Variants in RIMBP2 observed in about 807,000 individuals in gnomAD.
The protein encoded by RIMBP2 is RIMS-binding protein 2.
RIMBP2 carries 48 observed loss-of-function variants against 118.6 expected under a neutral mutation model. That is an observed-to-expected ratio of 0.40 (90% CI 0.32 to 0.51). The LOEUF is 0.51. Among genes scored for constraint, RIMBP2 ranks in the 20% least tolerant of loss-of-function variants. The pLI is 0.41. For missense variants in RIMBP2, 1,551 were observed against 1,768.3 expected (o/e 0.88, Z 2.20); for synonymous variants, 762 against 742.9 (o/e 1.03, Z -0.42).
At chr12:130,616,918 C>T (rs916234453) in intron 2 of RIMBP2, among the ~76,000 whole-genome samples, 3 of 152,176 alleles carry the variant, frequency 2.0e-5, no homozygotes, top group East Asian at 1.9e-4. Context: ...GAAAGGTTTT[C>T]GGGGACTGCT....
intron 2 of RIMBP2, among the ~76,000 whole-genome samples, chr12:130,592,360 A>T (rs908136961): frequency 2.0e-4 from 31 of 152,212 alleles, no homozygotes; most frequent in Non-Finnish European, 4.4e-4. Context: ...TTTGACAGCC[A>T]CCCCTTTGCC....
chr12:130,408,514 A>G (rs1412322659), intron 19 of RIMBP2, among the ~76,000 whole-genome samples: 2 of 152,170 alleles, frequency 1.3e-5, no homozygotes, highest in Non-Finnish European at 2.9e-5. Context: ...GGGCCTGGGC[A>G]TCATCCCAGC....
intron 2 of RIMBP2, among the ~76,000 whole-genome samples, chr12:130,599,450 A>G (rs2059745063): frequency 6.6e-6 from 1 of 152,236 alleles, no homozygotes; most frequent in African/African-American, 2.4e-5. Flanking sequence ...TAATGGGCAA[A>G]ATGATTTGAA....
chr12:130,656,561 C>T (rs2063436488), intron 1 of RIMBP2, among the ~76,000 whole-genome samples: 1 of 136,474 alleles, frequency 7.3e-6, no homozygotes, highest in African/African-American at 3.0e-5. Context: ...CTTTCTGAGG[C>T]TGTCAGGAGA....
At chr12:130,425,116 T>C (rs182210684) in intron 15 of RIMBP2, 78 of 354,630 alleles carry the variant, frequency 2.2e-4, no homozygotes, top group Admixed American at 5.2e-4. Context: ...GCCAGCGCCA[T>C]GCATCCAGCC....
chr12:130,440,862 A>G (rs1393790881), intron 11 of RIMBP2, among the ~76,000 whole-genome samples: 3 of 152,112 alleles, frequency 2.0e-5, no homozygotes, highest in Non-Finnish European at 4.4e-5. Context: ...TGAATATCAG[A>G]GCGGGCAGTG....
chr12:130,496,687 C>A (rs989796796), intron 4 of RIMBP2, among the ~76,000 whole-genome samples: 8 of 152,132 alleles, frequency 5.3e-5, no homozygotes, highest in African/African-American at 1.4e-4. Context: ...CAGAAAGTGA[C>A]CACATGATGG....
rs2076488091 is a variant in RIMBP2, at chr12:130,422,592, T to G, written c.3130-31A>C. 1.3e-6 allele frequency: 2 copies of G among 1,496,968 alleles called. No homozygotes were observed. The highest frequency in any genetic ancestry group is 1.4e-5 in the African/African-American group (1 of 72,894). 92.7% of individuals were successfully genotyped at this position (1,496,968 alleles called of 1,614,324 possible). ...GACAAAACAACAACAAAGTCGTAAGTCTCGCCAGCATTGGGAACTGAAGAA... is the reference window on the plus strand; with the variant it reads ...GACAAAACAACAACAAAGTCGTAAGGCTCGCCAGCATTGGGAACTGAAGAA... On this transcript the variant is annotated intron_variant, in intron 16 of 22. Transcript: ENST00000690449. The surrounding 1 kb of genome is among the most constrained non-coding windows in gnomAD (Gnocchi z 5.2).
intron 2 of RIMBP2, among the ~76,000 whole-genome samples, chr12:130,597,563 T>G (rs912168841): frequency 6.6e-6 from 1 of 152,166 alleles, no homozygotes; most frequent in East Asian, 1.9e-4. Flanking sequence ...CTTAACCAAA[T>G]AGAGTTTATC....
chr12:130,690,047 G>A (rs2065242442), intron 1 of RIMBP2, among the ~76,000 whole-genome samples: 1 of 152,148 alleles, frequency 6.6e-6, no homozygotes, highest in Non-Finnish European at 1.5e-5. Flanking sequence ...GTGCTGCCAG[G>A]GCCTCTCAGC....
intron 4 of RIMBP2, among the ~76,000 whole-genome samples, chr12:130,490,202 A>T (rs1251870610): frequency 1.3e-5 from 2 of 151,722 alleles, no homozygotes; most frequent in African/African-American, 4.8e-5. Context: ...CTTTCACTTG[A>T]GTTGTTGCAA....
In RIMBP2 at chr12:130,437,067, G is replaced by A. The variant is rs2137038953; in HGVS notation, c.1881C>T (p.Thr627=). 4 of 1,572,954 alleles carry A rather than the reference G, an allele frequency of 2.5e-6. No homozygotes were observed. The South Asian group carries it at 4.7e-5, about 18-fold the overall frequency. Residue 627 remains threonine (T), a synonymous_variant, in exon 13 of 23, where the codon ACC becomes ACT. Coordinates refer to ENST00000690449, the MANE Select transcript of RIMBP2 (RefSeq NM_001393629.1). ...CGTGGGGACCCAGGTGCTCGTCTTT[G>A]GTTTCGGGGACTCCAGAACTTGCTA... is the stretch of plus-strand genomic sequence containing the variant. ...KPLASSGVPE[T]KDEHLGPHAR...
rs569180024 is a variant in RIMBP2 at position 130,568,821 on chromosome 12, T to G, written c.-216-50904A>C. On this transcript the variant is annotated intron_variant, in intron 2 of 22. Coordinates refer to ENST00000690449, the MANE Select transcript of RIMBP2 (RefSeq NM_001393629.1). ...GCTCCTGTGAGGTGGGCAGAATTATTTGAGTGCCAAGAGGGCATCTGCTGA... is the reference window on the plus strand; with the variant it reads ...GCTCCTGTGAGGTGGGCAGAATTATGTGAGTGCCAAGAGGGCATCTGCTGA... 3.3e-5 allele frequency among the ~76,000 whole-genome samples: 5 copies of G among 152,328 alleles called. No homozygotes were observed. In the East Asian group the frequency reaches 9.7e-4, roughly 29 times the overall value.
intron 4 of RIMBP2, among the ~76,000 whole-genome samples, chr12:130,495,905 A>T (rs1350727664): frequency 2.6e-5 from 4 of 152,230 alleles, no homozygotes; most frequent in Non-Finnish European, 5.9e-5. Context: ...TTAATCATCA[A>T]ATTCAAATTT....
intron 2 of RIMBP2, among the ~76,000 whole-genome samples, chr12:130,554,348 G>T (rs985140403): frequency 6.6e-6 from 1 of 152,156 alleles, no homozygotes; most frequent in African/African-American, 2.4e-5. Flanking sequence ...AGTGCCCAGG[G>T]AGTGATTAGC....
chr12:130,414,799 G>A (rs1424101031), intron 17 of RIMBP2: 1 of 153,616 alleles, frequency 6.5e-6, no homozygotes, highest in Non-Finnish European at 1.4e-5. Flanking sequence ...ATTTCCTGGT[G>A]AATTGGGTTT....
Position 130,670,096 on chromosome 12 carries a change from G to C in RIMBP2, c.-351-41640C>G, listed in dbSNP as rs2064129006. ...TCACAGAGGAGCACACAGATACACA[G>C]AAGAGGAGAGGGTAATGTGACCCCG... On this transcript the variant is annotated intron_variant, in intron 1 of 22. Transcript: ENST00000690449. This position sits in a 1 kb window ranked among gnomAD's most constrained non-coding sequence, Gnocchi z 4.9. Among the ~76,000 whole-genome samples the C allele has an allele frequency of 6.6e-6, 1 of 152,108 alleles. No individual in the cohort carries two copies. Among genetic ancestry groups the C allele is most frequent in the Non-Finnish European group, 1.5e-5 (1 of 68,038 alleles).
chr12:130,621,212 G>A lies in RIMBP2; in HGVS notation c.-217+7110C>T, dbSNP rs2061290018. Reference sequence around the variant, plus strand: ...GAGATGGGTCTTCTGAAAGGTGAGGGTTAGGGTGATGGACTCCAGGTGGAT... The same window carrying A: ...GAGATGGGTCTTCTGAAAGGTGAGGATTAGGGTGATGGACTCCAGGTGGAT... On this transcript the variant is annotated intron_variant, in intron 2 of 22. Transcript: ENST00000690449. The surrounding 1 kb of genome is among the most constrained non-coding windows in gnomAD (Gnocchi z 6.6). 6.6e-6 allele frequency among the ~76,000 whole-genome samples: 1 copy of A among 152,124 alleles called. No homozygotes were observed. The highest frequency in any genetic ancestry group is 6.5e-5 in the Admixed American group (1 of 15,274).
intron 2 of RIMBP2, among the ~76,000 whole-genome samples, chr12:130,541,832 ATGTT>A (rs1352150473): frequency 6.6e-6 from 1 of 152,176 alleles, no homozygotes; most frequent in East Asian, 1.9e-4. Flanking sequence ...CATCTAATAT[ATGTT>A]TGTTGAACAC....
Sources: allele counts gnomAD v4.1 joint callset (sites outside exome capture counted in the v4.1 genomes callset), GRCh38; gene constraint gnomAD v4.1.1; non-coding constraint Gnocchi (gnomAD v3.1); transcripts MANE v1.5; gene names NCBI Gene and HGNC (gene_info 2026-07-23, HGNC 2026-07-21).